LRRC7: variants seen among roughly 807,000 people sequenced by gnomAD.
LRRC7 encodes the protein leucine-rich repeat-containing protein 7.
In LRRC7, 23 loss-of-function variants were observed where a neutral mutation model predicts 175.7. That is an observed-to-expected ratio of 0.13 (90% CI 0.09 to 0.19). The LOEUF is 0.19. LRRC7 is among the 10% of genes least tolerant of loss of function. LRRC7 has a pLI of 1.00. For missense variants in LRRC7, 1,354 were observed against 1,904.7 expected (o/e 0.71, Z 5.38); for synonymous variants, 685 against 680.9 (o/e 1.01, Z -0.09).
At chr1:70,115,232 A>C (rs1324033973) in intron 26 of LRRC7, among the ~76,000 whole-genome samples, 1 of 152,246 alleles carries the variant, frequency 6.6e-6, no homozygotes, top group Non-Finnish European at 1.5e-5. Context: ...AATAGCAAGG[A>C]TGATGCCAGT....
intron 2 of LRRC7, among the ~76,000 whole-genome samples, chr1:69,745,276 A>G (rs1216622987): frequency 1.3e-5 from 2 of 151,992 alleles, no homozygotes; most frequent in African/African-American, 4.8e-5. Context: ...AAAGATACAG[A>G]CTTAAAACAC....
At chr1:69,781,938 A>AAGAAAGAAG (rs748855273) in intron 3 of LRRC7, among the ~76,000 whole-genome samples, 1 of 122,964 alleles carries the variant, frequency 8.1e-6, no homozygotes, top group Non-Finnish European at 1.7e-5. Flanking sequence ...GAAAGAAAGA[A>AAGAAAGAAG]AGAGAAAAGA....
Position 70,142,253 on chromosome 1 carries a change from G to C in LRRC7, c.*20366G>C, listed in dbSNP as rs1191253167. ...GAATGTGGAAAAGGCATCTGGTTCA[G>C]GTCAGTAAGGACTGTTGTATGTAAG... is the stretch of plus-strand genomic sequence containing the variant. On this transcript the variant is annotated 3_prime_UTR_variant, in exon 27 of 27. Transcript: ENST00000651989. The C allele has an allele frequency of 6.6e-6, 1 of 152,118 alleles. No homozygotes were observed. The highest frequency in any genetic ancestry group is 6.5e-5 in the Admixed American group (1 of 15,268). 9.4% of individuals were successfully genotyped at this position (152,118 alleles called of 1,614,324 possible). A position where few individuals can be genotyped will look rare whatever the true frequency, so the allele number is the denominator to read the frequency against.
intron 1 of LRRC7, among the ~76,000 whole-genome samples, chr1:69,660,674 A>G (rs1657329521): frequency 6.6e-6 from 1 of 152,094 alleles, no homozygotes; most frequent in South Asian, 2.1e-4. Flanking sequence ...GTAAAGGCCT[A>G]AGGTGGGAGA....
At chr1:69,755,620 A>C (rs1013707826) in intron 2 of LRRC7, among the ~76,000 whole-genome samples, 8 of 151,742 alleles carry the variant, frequency 5.3e-5, no homozygotes, top group African/African-American at 1.9e-4. Flanking sequence ...ATAACAAAGT[A>C]CCCACAAAGG....
At chr1:69,834,616 G>T (rs762308859) in intron 5 of LRRC7, among the ~76,000 whole-genome samples, 164 bp from the exon 6 acceptor site, 1 of 151,986 alleles carries the variant, frequency 6.6e-6, no homozygotes, top group Non-Finnish European at 1.5e-5. Flanking sequence ...CAAAATTTTC[G>T]AACTGTAACA....
rs1346302649 is a variant in LRRC7 at position 70,136,721 on chromosome 1, C to T, written c.*14834C>T. ...TTCTGCTTTATTGCTTTTTTAATGC[C>T]TTTTTTTTTTTTTTTTTTTTTTTTC... On this transcript the variant is annotated 3_prime_UTR_variant, in exon 27 of 27. Coordinates refer to ENST00000651989, the MANE Select transcript of LRRC7 (RefSeq NM_001370785.2). Among the ~76,000 whole-genome samples the T allele has an allele frequency of 1.0e-5, 1 of 98,340 alleles. No homozygotes were observed. The highest frequency in any genetic ancestry group is 2.0e-5 in the Non-Finnish European group (1 of 50,366). The allele number at this position is 98,340 out of a possible 152,430, so 64.5% of individuals were successfully genotyped here. A position where few individuals can be genotyped will look rare whatever the true frequency, so the allele number is the denominator to read the frequency against.
intron 6 of LRRC7, among the ~76,000 whole-genome samples, chr1:69,835,240 T>G (rs1680972017): frequency 6.6e-6 from 1 of 151,884 alleles, no homozygotes; most frequent in Admixed American, 6.6e-5. Flanking sequence ...TATGATGACC[T>G]AAATACTTTT....
chr1:69,753,120 G>T (rs1380647941), intron 2 of LRRC7, among the ~76,000 whole-genome samples: 2 of 152,050 alleles, frequency 1.3e-5, no homozygotes, highest in African/African-American at 4.8e-5. Context: ...GATTTCTTGT[G>T]TATTATGCTC....
intron 15 of LRRC7, 69 bp from the exon 16 acceptor site, chr1:70,020,936 T>C (rs1355596833): frequency 7.6e-7 from 1 of 1,321,972 alleles, no homozygotes; most frequent in African/African-American, 1.5e-5. Context: ...CATTTTTGCA[T>C]ACTATATTAA....
At chr1:70,000,032 C>T (rs1655380357) in intron 11 of LRRC7, among the ~76,000 whole-genome samples, 3 of 152,142 alleles carry the variant, frequency 2.0e-5, no homozygotes, top group Non-Finnish European at 4.4e-5. Flanking sequence ...TAGGGGAGTA[C>T]TTTCAATTCC....
intron 1 of LRRC7, among the ~76,000 whole-genome samples, chr1:69,675,341 C>A (rs1020741244): frequency 6.6e-6 from 1 of 152,006 alleles, no homozygotes; most frequent in Non-Finnish European, 1.5e-5. Context: ...ATACCCTGAA[C>A]CATAATTACA....
At chr1:70,088,953 G>C (rs1006597099) in intron 24 of LRRC7, among the ~76,000 whole-genome samples, 5 of 152,106 alleles carry the variant, frequency 3.3e-5, no homozygotes, top group Admixed American at 2.0e-4. Flanking sequence ...TTCATGATTT[G>C]GGATGTTGGG....
intron 4 of LRRC7, among the ~76,000 whole-genome samples, chr1:69,795,452 G>T (rs964722666): frequency 2.6e-5 from 4 of 152,054 alleles, no homozygotes; most frequent in Non-Finnish European, 5.9e-5. Context: ...ACATCCTTTG[G>T]GAATCTGTCA....
At chr1:69,986,448 G>A in intron 10 of LRRC7, 62 bp downstream of exon 10, 1 of 1,457,422 alleles carries the variant, frequency 6.9e-7, no homozygotes, top group South Asian at 1.3e-5. Context: ...TTTTTTGGAA[G>A]TATAGTTTGT....
At chr1:69,840,705 T>A (rs952795289) in intron 7 of LRRC7, among the ~76,000 whole-genome samples, 1 of 152,082 alleles carries the variant, frequency 6.6e-6, no homozygotes, top group African/African-American at 2.4e-5. Context: ...TGATCATTCC[T>A]CTACATACAT....
At chr1:69,908,645 C>T (rs1455827507) in intron 7 of LRRC7, among the ~76,000 whole-genome samples, 396 of 144,994 alleles carry the variant, frequency 2.7e-3, no homozygotes, top group African/African-American at 9.7e-3. Flanking sequence ...TTATAATTTC[C>T]GTTCTTTTAC....
intron 26 of LRRC7, among the ~76,000 whole-genome samples, chr1:70,116,635 A>G (rs1571367150): frequency 1.3e-5 from 2 of 152,240 alleles, no homozygotes; most frequent in African/African-American, 4.8e-5. Flanking sequence ...ACTCATTAAA[A>G]CTTCAAACTT....
chr1:69,642,811 C>CATAGATAAATAGATAG lies in LRRC7; in HGVS notation c.3-35563_3-35562insAATAGATAGATAGATA, dbSNP rs1553131044. Among the ~76,000 whole-genome samples, 175 of 147,294 alleles carry CATAGATAAATAGATAG rather than the reference C, an allele frequency of 1.2e-3. 2 individuals are homozygous for CATAGATAAATAGATAG. The highest frequency in any genetic ancestry group is 8.9e-3 in the Admixed American group (131 of 14,662). On this transcript the variant is annotated intron_variant, in intron 1 of 26. Coordinates refer to ENST00000651989, the MANE Select transcript of LRRC7 (RefSeq NM_001370785.2). Reference sequence around the variant, plus strand: ...GAAACAGAACTAATGACAGATGATACATAGATAGATAGATAGATAGATAGA... The same window carrying CATAGATAAATAGATAG: ...GAAACAGAACTAATGACAGATGATACATAGATAAATAGATAGATAGATAGATAGATAGATAGATAGA...
Sources: allele counts gnomAD v4.1 joint callset (sites outside exome capture counted in the v4.1 genomes callset), GRCh38; gene constraint gnomAD v4.1.1; transcripts MANE v1.5; gene names NCBI Gene and HGNC (gene_info 2026-07-23, HGNC 2026-07-21).